FBXO15: variants seen among roughly 807,000 people sequenced by gnomAD.
The protein encoded by FBXO15 is F-box only protein 15.
Under a neutral mutation model 49.5 loss-of-function variants are expected in FBXO15, and 30 were observed. That is an observed-to-expected ratio of 0.61 (90% CI 0.45 to 0.82). The LOEUF (loss-of-function observed/expected upper bound fraction) is 0.82, where lower values mean the gene tolerates loss of function less well. Ranked by LOEUF, FBXO15 falls within the 40% of genes least tolerant of loss-of-function variation. The pLI is 0.00. For synonymous variants in FBXO15, 250 were observed against 232.7 expected, an observed-to-expected ratio of 1.07 and a Z score of -0.68; for missense variants, 591 against 631.5, an observed-to-expected ratio of 0.94 and a Z score of 0.69.
chr18:74,141,900 G>C (rs1463382456), intron 1 of FBXO15, among the ~76,000 whole-genome samples: 1 of 152,166 alleles, frequency 6.6e-6, no homozygotes, highest in African/African-American at 2.4e-5. Flanking sequence ...AGCAGCTACA[G>C]AGTAAATTCC....
At chr18:74,101,643 G>A (rs747171567) in intron 8 of FBXO15, among the ~76,000 whole-genome samples, 28 of 152,050 alleles carry the variant, frequency 1.8e-4, no homozygotes, top group Non-Finnish European at 3.2e-4. Flanking sequence ...ACAAAAAAGA[G>A]CCTGCATAGC....
chr18:74,094,134 C>A (rs1913176154), intron 8 of FBXO15, among the ~76,000 whole-genome samples: 1 of 152,100 alleles, frequency 6.6e-6, no homozygotes, highest in African/African-American at 2.4e-5. Context: ...AGCAGTAATA[C>A]CTTGAAAGAA....
At chr18:74,140,065 A>G (rs1439670323) in intron 2 of FBXO15, 137 bp downstream of exon 2, 10 of 606,952 alleles carry the variant, frequency 1.6e-5, no homozygotes, top group South Asian at 2.8e-5. Flanking sequence ...CAAATGCTCC[A>G]TGCTGTACTG....
chr18:74,140,070 G>C, intron 2 of FBXO15, 132 bp downstream of exon 2: 1 of 635,416 alleles, frequency 1.6e-6, no homozygotes, highest in Non-Finnish European at 2.6e-6. Context: ...GCTCCATGCT[G>C]TACTGTCTTC....
chr18:74,120,014 G>A (rs1914407239), intron 8 of FBXO15, among the ~76,000 whole-genome samples: 1 of 152,218 alleles, frequency 6.6e-6, no homozygotes, highest in African/African-American at 2.4e-5. Flanking sequence ...CTCCATGAGG[G>A]CTGCAGCCAT....
chr18:74,128,329 A>C (rs1471763461), intron 5 of FBXO15, among the ~76,000 whole-genome samples: 2 of 145,406 alleles, frequency 1.4e-5, no homozygotes, highest in African/African-American at 5.2e-5. Flanking sequence ...CCAGTTACAG[A>C]GCTGCAAAAA....
At chr18:74,134,202 G>A (rs1978572057) in intron 3 of FBXO15, among the ~76,000 whole-genome samples, 2 of 151,990 alleles carry the variant, frequency 1.3e-5, no homozygotes, top group South Asian at 4.2e-4. Flanking sequence ...TCCAACTAGG[G>A]AACAGTGTAT....
chr18:74,080,154 C>T (rs1912430146), intron 9 of FBXO15, among the ~76,000 whole-genome samples: 1 of 152,164 alleles, frequency 6.6e-6, no homozygotes, highest in Admixed American at 6.5e-5. Context: ...TCCTTCCAAG[C>T]AATTTCTTAA....
intron 8 of FBXO15, chr18:74,097,478 G>A (rs1191426977): frequency 2.0e-5 from 3 of 152,284 alleles, no homozygotes; most frequent in African/African-American, 7.2e-5. Context: ...TGAGGCCTGT[G>A]ACTATTGGCT....
At chr18:74,098,580 A>C (rs1913383299) in intron 8 of FBXO15, 1 of 152,226 alleles carries the variant, frequency 6.6e-6, no homozygotes, top group African/African-American at 2.4e-5. Flanking sequence ...AAAAAAGAAT[A>C]AGAAAAAATG....
intron 8 of FBXO15, among the ~76,000 whole-genome samples, chr18:74,113,844 C>A (rs1446567351): frequency 4.6e-5 from 7 of 152,204 alleles, no homozygotes; most frequent in Non-Finnish European, 1.0e-4. Flanking sequence ...CTTTGGCAAG[C>A]TCTATTTACA....
intron 8 of FBXO15, among the ~76,000 whole-genome samples, chr18:74,117,141 G>A (rs1392751689): frequency 6.6e-6 from 1 of 151,906 alleles, no homozygotes; most frequent in African/African-American, 2.4e-5. Flanking sequence ...TTTTAAAAAT[G>A]TTACAAAGAC....
chr18:74,122,723 C>T (rs1038031557), intron 8 of FBXO15: 3 of 152,186 alleles, frequency 2.0e-5, no homozygotes, highest in South Asian at 2.1e-4. Flanking sequence ...AAATGAAGTA[C>T]ATAACTTCCC....
intron 8 of FBXO15, among the ~76,000 whole-genome samples, chr18:74,109,511 TA>T (rs1410400820): frequency 2.0e-5 from 3 of 152,150 alleles, no homozygotes; most frequent in African/African-American, 7.2e-5. Flanking sequence ...ATCATGCTAC[TA>T]TAAAGACACA....
intron 8 of FBXO15, chr18:74,098,659 A>G (rs1381308418): frequency 6.6e-6 from 1 of 152,222 alleles, no homozygotes; most frequent in African/African-American, 2.4e-5. Context: ...CATTCCTGGG[A>G]AAGAAGAGAA....
At chr18:74,092,183 T>C (rs1913062452) in intron 8 of FBXO15, among the ~76,000 whole-genome samples, 1 of 152,218 alleles carries the variant, frequency 6.6e-6, no homozygotes. Flanking sequence ...TACTTGTGAT[T>C]GCATTCTGAA....
intron 2 of FBXO15, 64 bp downstream of exon 2, chr18:74,140,138 A>T: frequency 3.6e-6 from 5 of 1,374,156 alleles, no homozygotes; most frequent in Non-Finnish European, 5.0e-6. Context: ...ACAGCATCAT[A>T]ACTTTCTCTA....
chr18:74,133,657 T>C (rs773638595), intron 3 of FBXO15, among the ~76,000 whole-genome samples: 1 of 152,190 alleles, frequency 6.6e-6, no homozygotes. Context: ...ATTTGGCTCA[T>C]AGTTCTGCAG....
intron 1 of FBXO15, among the ~76,000 whole-genome samples, chr18:74,142,611 C>T (rs1979152025): frequency 6.6e-6 from 1 of 152,142 alleles, no homozygotes; most frequent in Non-Finnish European, 1.5e-5. Context: ...ATCTCTGCCC[C>T]CATCTTCACA....
Sources: gnomAD v4.1 joint callset for allele counts (sites outside exome capture counted in the v4.1 genomes callset) on GRCh38, gnomAD v4.1.1 for gene constraint, MANE v1.5 for transcripts, NCBI Gene and HGNC (gene_info 2026-07-23, HGNC 2026-07-21) for gene names.